DAB1: variants seen among roughly 807,000 people sequenced by gnomAD.
DAB1 encodes DAB adaptor protein 1.
Under a neutral mutation model 64.6 loss-of-function variants are expected in DAB1, and 15 were observed. The ratio of observed to expected loss-of-function variants is 0.23; its 90% CI spans 0.16 to 0.36. The LOEUF (loss-of-function observed/expected upper bound fraction) is 0.36. DAB1 is among the 10% of genes least tolerant of loss of function. The pLI is 1.00. For synonymous variants in DAB1, 235 were observed against 251.9 expected, an observed-to-expected ratio of 0.93 and a Z score of 0.64; for missense variants, 596 against 706.7, an observed-to-expected ratio of 0.84 and a Z score of 1.78.
chr1:58,195,373 G>A (rs1272054129), intron 4 of DAB1, among the ~76,000 whole-genome samples: 1 of 152,154 alleles, frequency 6.6e-6, no homozygotes, highest in African/African-American at 2.4e-5. Context: ...GAATTGCAGA[G>A]ATGGGTACAA....
chr1:57,054,552 G>A lies in DAB1; in HGVS notation c.723+8332C>T, dbSNP rs1328859956. ...GAGTGCAGTGGTGCAATTTCCGCTC[G>A]CTGCAAGCTCCACCTCCCGGGTTCA... On this transcript the variant is annotated intron_variant, in intron 9 of 14. Coordinates refer to ENST00000371236, the MANE Select transcript of DAB1 (RefSeq NM_001365792.1). 4.3e-5 allele frequency among the ~76,000 whole-genome samples: 6 copies of A among 138,826 alleles called. No individual in the cohort carries two copies. In the Middle Eastern group the frequency reaches 0.017, roughly 402 times the overall value. 91.1% of individuals were successfully genotyped at this position (138,826 alleles called of 152,430 possible).
intron 7 of DAB1, among the ~76,000 whole-genome samples, chr1:57,620,862 C>T (rs1020445575): frequency 1.3e-5 from 2 of 152,148 alleles, no homozygotes; most frequent in African/African-American, 2.4e-5. Context: ...AGCAACAGCA[C>T]GCAGAGCTTT....
rs568471396 is a variant in DAB1, at chr1:58,493,033, C to A, written n.257+13027G>T. On this transcript the variant is annotated intron_variant and non_coding_transcript_variant, in intron 3 of 20. Coordinates refer to the DAB1 transcript ENST00000485760. ...AAATCCTCAATAAAATACTGGCAAA[C>A]CAAATCCAGCAGCACATCGAAAAGC... Among the ~76,000 whole-genome samples, 5 of 152,280 alleles carry A rather than the reference C, an allele frequency of 3.3e-5. No homozygotes were observed. The South Asian group carries it at 8.3e-4, about 25-fold the overall frequency.
intron 5 of DAB1, among the ~76,000 whole-genome samples, chr1:58,148,611 C>A (rs555921016): frequency 6.6e-6 from 1 of 152,314 alleles, no homozygotes; most frequent in Middle Eastern, 3.4e-3. Context: ...ACTCACAGTT[C>A]CACATGGTTG....
chr1:57,142,558 A>T (rs1337244787), intron 3 of DAB1, among the ~76,000 whole-genome samples: 1 of 150,520 alleles, frequency 6.6e-6, no homozygotes, highest in African/African-American at 2.4e-5. Context: ...TGGGGACCTC[A>T]TGGTTATAAG....
intron 6 of DAB1, among the ~76,000 whole-genome samples, chr1:57,809,899 C>T (rs1651537394): frequency 6.6e-6 from 1 of 152,162 alleles, no homozygotes; most frequent in African/African-American, 2.4e-5. Context: ...AGTATTCTAG[C>T]AGCAACCAAG....
chr1:58,437,045 G>A (rs1221061578), intron 3 of DAB1, among the ~76,000 whole-genome samples: 2 of 152,242 alleles, frequency 1.3e-5, no homozygotes, highest in African/African-American at 4.8e-5. Context: ...GCCACCCTCT[G>A]TGTAGATTTC....
intron 3 of DAB1, among the ~76,000 whole-genome samples, chr1:58,399,443 G>C (rs1644551620): frequency 6.6e-6 from 1 of 152,200 alleles, no homozygotes; most frequent in South Asian, 2.1e-4. Context: ...TTAGGCTGAA[G>C]TCTATGTGCT....
intron 14 of DAB1, among the ~76,000 whole-genome samples, chr1:57,002,679 C>G (rs1385406444): frequency 6.6e-6 from 1 of 152,190 alleles, no homozygotes; most frequent in Non-Finnish European, 1.5e-5. Context: ...CACTAAGTGG[C>G]CTTGCCTTAT....
rs188940040 is a variant in DAB1 at position 57,084,155 on chromosome 1, T to G, written c.307-11741A>C. Among the ~76,000 whole-genome samples the G allele has an allele frequency of 1.9e-3, 293 of 152,316 alleles. 3 individuals are homozygous for G. Among genetic ancestry groups the G allele is most frequent in the South Asian group, 1.4e-3 (7 of 4,828 alleles). Reference sequence around the variant, plus strand: ...TAAAAACAGAGTCATTATAGAAGTATTTATTTAAGATGAGATCATACAGGG... The same window carrying G: ...TAAAAACAGAGTCATTATAGAAGTAGTTATTTAAGATGAGATCATACAGGG... On this transcript the variant is annotated intron_variant, in intron 4 of 14. Coordinates refer to ENST00000371236, the MANE Select transcript of DAB1 (RefSeq NM_001365792.1).
At chr1:57,714,958 C>T (rs911607244) in intron 6 of DAB1, among the ~76,000 whole-genome samples, 2 of 152,160 alleles carry the variant, frequency 1.3e-5, no homozygotes, top group African/African-American at 4.8e-5. Context: ...ATACCAAAAT[C>T]AGACAAGGAC....
chr1:58,520,804 T>C (rs999636895), intron 2 of DAB1, among the ~76,000 whole-genome samples: 5 of 152,110 alleles, frequency 3.3e-5, no homozygotes, highest in African/African-American at 1.2e-4. Context: ...TTTTAAGATG[T>C]ACACGGCAAA....
intron 7 of DAB1, among the ~76,000 whole-genome samples, chr1:57,585,248 GAAAAAAA>G (rs61528761): frequency 4.5e-5 from 2 of 44,266 alleles, no homozygotes; most frequent in African/African-American, 9.5e-5. Flanking sequence ...GACTCTTTCT[GAAAAAAA>G]AAAAAAAAAA....
intron 2 of DAB1, among the ~76,000 whole-genome samples, chr1:57,250,494 T>C (rs1669253024): frequency 6.6e-6 from 1 of 152,222 alleles, no homozygotes; most frequent in Non-Finnish European, 1.5e-5. Context: ...TATCACATTA[T>C]AAAATCTTTA....
rs1412833245 is a variant in DAB1 at position 58,340,882 on chromosome 1, TACATAGGAGGTG to T, written n.309+2458_309+2469del. ...GTCTTCCATAAGCAGAAAAACTTGG[TACATAGGAGGTG>T]CTAGAAAAGGATAAATGTCGAGAAT... is the stretch of plus-strand genomic sequence containing the variant. On this transcript the variant is annotated intron_variant and non_coding_transcript_variant, in intron 4 of 20. Transcript: ENST00000485760. Among the ~76,000 whole-genome samples, 195 of 152,324 alleles carry T rather than the reference TACATAGGAGGTG, an allele frequency of 1.3e-3. 2 individuals are homozygous for T. The East Asian group carries it at 0.033, about 26-fold the overall frequency.
At chr1:57,014,850 T>C (rs746895295) in intron 12 of DAB1, 33 bp downstream of exon 12, 3 of 1,489,108 alleles carry the variant, frequency 2.0e-6, no homozygotes, top group East Asian at 2.3e-5. Context: ...ACGGCTCTCA[T>C]TGGGTTTTAT....
chr1:57,400,739 G>A (rs1282048819), intron 1 of DAB1, among the ~76,000 whole-genome samples: 1 of 151,894 alleles, frequency 6.6e-6, no homozygotes, highest in Non-Finnish European at 1.5e-5. Context: ...TAATGCTGGG[G>A]AGAGAGAAGC....
intron 1 of DAB1, among the ~76,000 whole-genome samples, chr1:57,847,528 T>C (rs1220081583): frequency 6.6e-6 from 1 of 151,382 alleles, no homozygotes; most frequent in African/African-American, 2.4e-5. Flanking sequence ...AAAAGAAAAA[T>C]GAGAGAGAAA....
At chr1:58,298,966 C>T (rs17117283) in intron 4 of DAB1, among the ~76,000 whole-genome samples, 2,677 of 152,280 alleles carry the variant, frequency 0.018, 40 homozygotes, top group East Asian at 0.04. Flanking sequence ...CTAGGAAACA[C>T]GTAAAATGCA....
Sources: allele counts gnomAD v4.1 joint callset (sites outside exome capture counted in the v4.1 genomes callset), GRCh38; gene constraint gnomAD v4.1.1; transcripts MANE v1.5; gene names NCBI Gene and HGNC (gene_info 2026-07-23, HGNC 2026-07-21).